Variants in TPST1 observed in about 807,000 individuals in gnomAD.
TPST1 encodes tyrosylprotein sulfotransferase 1.
TPST1 carries 20 observed loss-of-function variants against 34.8 expected under a neutral mutation model. That is an observed-to-expected ratio of 0.57 (90% CI 0.40 to 0.84). The LOEUF is 0.84. TPST1 is among the 40% of genes least tolerant of loss of function. The pLI is 0.00. For missense variants in TPST1, 353 were observed against 455.5 expected, an observed-to-expected ratio of 0.78 and a Z score of 2.05; for synonymous variants, 152 against 159.4, an observed-to-expected ratio of 0.95 and a Z score of 0.35.
At chr7:66,258,153 T>C (rs1477417432) in intron 2 of TPST1, among the ~76,000 whole-genome samples, 2 of 152,164 alleles carry the variant, frequency 1.3e-5, no homozygotes, top group African/African-American at 4.8e-5. Context: ...TTTTTTAATA[T>C]AGTTATGCTT....
chr7:66,225,054 A>T (rs1397390443), intron 1 of TPST1, among the ~76,000 whole-genome samples: 5 of 151,304 alleles, frequency 3.3e-5, no homozygotes, highest in African/African-American at 4.9e-5. Flanking sequence ...AGTAGCAGGG[A>T]TTACAGGCAC....
At chr7:66,274,322 G>A (rs551302292) in intron 2 of TPST1, among the ~76,000 whole-genome samples, 3 of 151,226 alleles carry the variant, frequency 2.0e-5, no homozygotes, top group East Asian at 3.9e-4. Context: ...CGTTGAGATC[G>A]CGTCACTGCA....
In TPST1 at chr7:66,240,616, C is replaced by G. The variant is rs968857421; in HGVS notation, c.191C>G (p.Ala64Gly). The change falls in exon 2 of 6, where the codon GCC becomes GGC. Residue 64 changes from alanine (A) to glycine (G), a missense_variant. Coordinates refer to ENST00000304842, the MANE Select transcript of TPST1 (RefSeq NM_003596.4). ...GACCTCAAAGCCAACAAAACCTTTG[C>G]CTATCACAAAGATATGCCTTTAATA... ...GLDLKANKTF[A>G]YHKDMPLIFI... 1.2e-6 allele frequency: 2 copies of G among 1,614,066 alleles called. No homozygotes were observed. Among genetic ancestry groups the G allele is most frequent in the African/African-American group, 2.7e-5 (2 of 74,940 alleles).
At chr7:66,334,177 C>T (rs1792047669) in intron 3 of TPST1, among the ~76,000 whole-genome samples, 1 of 152,100 alleles carries the variant, frequency 6.6e-6, no homozygotes, top group Admixed American at 6.6e-5. Flanking sequence ...AGTTAGACTT[C>T]CAGATCCTTA....
At chr7:66,278,307 T>C (rs1463594742) in intron 2 of TPST1, among the ~76,000 whole-genome samples, 3 of 152,012 alleles carry the variant, frequency 2.0e-5, no homozygotes, top group African/African-American at 7.2e-5. Flanking sequence ...CCTGAGCAAC[T>C]GTAAGAATGG....
chr7:66,216,442 T>C (rs1304146988), intron 1 of TPST1, among the ~76,000 whole-genome samples: 1 of 151,898 alleles, frequency 6.6e-6, no homozygotes, highest in Non-Finnish European at 1.5e-5. Flanking sequence ...TATTTCCTTC[T>C]TTCTGATGGT....
intron 2 of TPST1, among the ~76,000 whole-genome samples, chr7:66,250,675 T>G (rs1212468181): frequency 6.6e-6 from 1 of 152,220 alleles, no homozygotes; most frequent in Non-Finnish European, 1.5e-5. Context: ...CTATGTTTTT[T>G]CCTGTGCATA....
chr7:66,215,220 A>G (rs1380005330), intron 1 of TPST1, among the ~76,000 whole-genome samples: 2 of 148,580 alleles, frequency 1.3e-5, no homozygotes, highest in East Asian at 3.9e-4. Flanking sequence ...AAGCCCGGCT[A>G]ATTTTTGTAT....
chr7:66,272,362 A>G (rs984556959), intron 2 of TPST1, among the ~76,000 whole-genome samples: 1 of 152,200 alleles, frequency 6.6e-6, no homozygotes, highest in African/African-American at 2.4e-5. Flanking sequence ...AGAATGAAGG[A>G]CAAAAATCGT....
In TPST1 at chr7:66,238,534, G is replaced by A. The variant is rs746888584; in HGVS notation, c.-101-1791G>A. On this transcript the variant is annotated intron_variant, in intron 1 of 5. Coordinates refer to ENST00000304842, the MANE Select transcript of TPST1 (RefSeq NM_003596.4). ...ACAGTCTTAACTCCAGATTCTGCTC[G>A]GTAGCAGGCTGGACACACAGGCAGG... Among the ~76,000 whole-genome samples the A allele has an allele frequency of 5.3e-5, 8 of 151,800 alleles. No homozygotes were observed. The East Asian group carries it at 1.4e-3, about 26-fold the overall frequency.
intron 3 of TPST1, among the ~76,000 whole-genome samples, chr7:66,303,228 T>C (rs1791352813): frequency 1.3e-5 from 2 of 152,052 alleles, no homozygotes; most frequent in Non-Finnish European, 2.9e-5. Flanking sequence ...AGTGTTGCTA[T>C]AGTCTTTGTT....
At chr7:66,265,413 G>A (rs1790570738) in intron 2 of TPST1, among the ~76,000 whole-genome samples, 1 of 152,090 alleles carries the variant, frequency 6.6e-6, no homozygotes, top group Admixed American at 6.6e-5. Context: ...AACCATACGT[G>A]ATGACATGTG....
At chr7:66,222,444 C>T (rs757289019) in intron 1 of TPST1, among the ~76,000 whole-genome samples, 1 of 151,932 alleles carries the variant, frequency 6.6e-6, no homozygotes, top group South Asian at 2.1e-4. Context: ...GTATCTGCTG[C>T]ATATTAAATA....
chr7:66,205,980 G>C lies in TPST1; in HGVS notation c.-102+458G>C, dbSNP rs1789120381. On this transcript the variant is annotated intron_variant, in intron 1 of 5. Coordinates refer to ENST00000304842, the MANE Select transcript of TPST1 (RefSeq NM_003596.4). This position sits in a 1 kb window ranked among gnomAD's most constrained non-coding sequence, Gnocchi z 5.0. ...CCCGCTCCAGGTGTCCCTGGGTCTTGCCCTTTTGCTCCTAAGCACCTTCCT... is the reference window on the plus strand; with the variant it reads ...CCCGCTCCAGGTGTCCCTGGGTCTTCCCCTTTTGCTCCTAAGCACCTTCCT... The C allele has an allele frequency of 6.6e-6, 1 of 152,608 alleles. No homozygotes were observed. The allele number at this position is 152,608 out of a possible 1,614,324, so 9.5% of individuals were successfully genotyped here.
At chr7:66,279,779 T>G (rs1037068664) in intron 2 of TPST1, among the ~76,000 whole-genome samples, 1 of 152,248 alleles carries the variant, frequency 6.6e-6, no homozygotes, top group African/African-American at 2.4e-5. Flanking sequence ...GGAAATAATG[T>G]ATTTGTAAGA....
intron 2 of TPST1, among the ~76,000 whole-genome samples, chr7:66,267,462 T>C (rs1161270497): frequency 1.3e-5 from 2 of 150,976 alleles, no homozygotes; most frequent in Non-Finnish European, 1.5e-5. Flanking sequence ...AAAAATCAGA[T>C]TTGTTCTTAC....
At chr7:66,344,721 A>AT (rs757855278) in intron 3 of TPST1, among the ~76,000 whole-genome samples, 4,281 of 128,766 alleles carry the variant, frequency 0.033, 87 homozygotes, top group Non-Finnish European at 0.037. Context: ...AACATTTCTA[A>AT]TTTTTTTTTT....
At chr7:66,303,820 T>G (rs1181602782) in intron 3 of TPST1, among the ~76,000 whole-genome samples, 1 of 152,212 alleles carries the variant, frequency 6.6e-6, no homozygotes, top group African/African-American at 2.4e-5. Flanking sequence ...TACTTGATGC[T>G]CAATAAAATG....
chr7:66,296,255 C>CA (rs1562832639), intron 3 of TPST1, among the ~76,000 whole-genome samples: 5 of 38,940 alleles, frequency 1.3e-4, no homozygotes, highest in African/African-American at 4.5e-4. Flanking sequence ...CTTCCCCCCC[C>CA]CCTCCCCCAC....
Sources: gnomAD v4.1 joint callset for allele counts (sites outside exome capture counted in the v4.1 genomes callset) on GRCh38, gnomAD v4.1.1 for gene constraint, Gnocchi (gnomAD v3.1) non-coding constraint, MANE v1.5 for transcripts, NCBI Gene and HGNC (gene_info 2026-07-23, HGNC 2026-07-21) for gene names.